Variants in TMEM132D observed in about 807,000 individuals in gnomAD.
TMEM132D encodes the protein transmembrane protein 132D, also known as mature OL transmembrane protein.
A neutral mutation model predicts 62.3 loss-of-function variants in TMEM132D; 21 were observed. The observed-to-expected ratio is 0.34, with a 90% CI of 0.24 to 0.49. The LOEUF is 0.49. Among genes scored for constraint, TMEM132D ranks in the 20% least tolerant of loss-of-function variants. The pLI, the probability that TMEM132D is intolerant of heterozygous loss-of-function variation, is 0.99. For missense variants in TMEM132D, 1,346 were observed against 1,402.8 expected (o/e 0.96, Z 0.65); for synonymous variants, 621 against 575.6 (o/e 1.08, Z -1.13).
At chr12:129,483,297 A>C (rs1171517477) in intron 3 of TMEM132D, among the ~76,000 whole-genome samples, 1 of 152,156 alleles carries the variant, frequency 6.6e-6, no homozygotes, top group African/African-American at 2.4e-5. Context: ...AAGCTTCCAG[A>C]AGGCTTTGAA....
rs541031260 is a variant in TMEM132D at position 129,522,188 on chromosome 12, C to A, written c.1115+8871G>T. Among the ~76,000 whole-genome samples the A allele has an allele frequency of 2.0e-5, 3 of 152,236 alleles. No individual in the cohort carries two copies. The East Asian group carries it at 5.8e-4, about 29-fold the overall frequency. On this transcript the variant is annotated intron_variant, in intron 3 of 8. Transcript: ENST00000422113. ...TTACACTGATTGACACACATCATGG[C>A]AGGTGAAAGCTGTCAGAAGAAAGTT...
At chr12:129,378,323 G>A (rs1870842867) in intron 3 of TMEM132D, among the ~76,000 whole-genome samples, 1 of 152,176 alleles carries the variant, frequency 6.6e-6, no homozygotes, top group African/African-American at 2.4e-5. Flanking sequence ...ATATTCCAAC[G>A]TTGATCAAAG....
intron 4 of TMEM132D, among the ~76,000 whole-genome samples, chr12:129,241,289 T>G (rs543689113): frequency 6.6e-6 from 1 of 151,982 alleles, no homozygotes; most frequent in Non-Finnish European, 1.5e-5. Flanking sequence ...TTACAAAAAT[T>G]TATAAGGAGT....
At position 129,507,069 on chromosome 12, in the gene TMEM132D, A is replaced by C. The variant is rs190846797; in HGVS notation, c.1115+23990T>G. ...AAGGACATGAATAGAAAATTCTCAA[A>C]GGAAGATATATAGATGGCCAACAAA... On this transcript the variant is annotated intron_variant, in intron 3 of 8. Transcript: ENST00000422113. Among the ~76,000 whole-genome samples the C allele has an allele frequency of 1.1e-3, 168 of 152,338 alleles. 1 individual carries two copies. Among genetic ancestry groups the C allele is most frequent in the African/African-American group, 3.9e-3 (164 of 41,580 alleles).
chr12:129,722,262 C>A (rs1868861396), intron 1 of TMEM132D, among the ~76,000 whole-genome samples: 1 of 152,196 alleles, frequency 6.6e-6, no homozygotes, highest in African/African-American at 2.4e-5. Flanking sequence ...GTTGTCAGAA[C>A]CTATCCGGGT....
At chr12:129,077,976 C>G (rs1192623466) in intron 8 of TMEM132D, among the ~76,000 whole-genome samples, 1 of 152,194 alleles carries the variant, frequency 6.6e-6, no homozygotes, top group Admixed American at 6.5e-5. Flanking sequence ...TTAGCTCACA[C>G]TGGTTCCAAA....
intron 4 of TMEM132D, among the ~76,000 whole-genome samples, chr12:129,222,135 A>T (rs902339962): frequency 3.9e-5 from 6 of 152,148 alleles, no homozygotes; most frequent in Non-Finnish European, 8.8e-5. Flanking sequence ...AAAATAAAAT[A>T]ATTCTTCTAC....
chr12:129,435,921 C>T (rs981379679), intron 3 of TMEM132D, among the ~76,000 whole-genome samples: 3 of 152,170 alleles, frequency 2.0e-5, no homozygotes, highest in Non-Finnish European at 1.5e-5. Flanking sequence ...TTTCCAGCGT[C>T]CCTTGTAGCT....
At chr12:129,679,154 GA>G (rs1880717808) in intron 2 of TMEM132D, among the ~76,000 whole-genome samples, 1 of 151,708 alleles carries the variant, frequency 6.6e-6, no homozygotes, top group African/African-American at 2.4e-5. Flanking sequence ...GTTGTTGTTG[GA>G]GTTACATTGG....
intron 4 of TMEM132D, 116 bp from the exon 5 acceptor site, chr12:129,209,779 G>A: frequency 6.9e-7 from 1 of 1,440,052 alleles, no homozygotes; most frequent in South Asian, 1.3e-5. Flanking sequence ...CTCTTCTGCA[G>A]GCTCAGAAAT....
intron 4 of TMEM132D, among the ~76,000 whole-genome samples, chr12:129,256,824 G>A (rs1401128682): frequency 6.6e-6 from 1 of 152,206 alleles, no homozygotes; most frequent in Non-Finnish European, 1.5e-5. Context: ...ACCTCCCAAA[G>A]GGCTGGGATT....
At chr12:129,391,881 C>G (rs1216713505) in intron 3 of TMEM132D, among the ~76,000 whole-genome samples, 1 of 139,498 alleles carries the variant, frequency 7.2e-6, no homozygotes, top group Non-Finnish European at 1.6e-5. Flanking sequence ...CTCAGCCTCC[C>G]GAGTATCTGG....
At chr12:129,739,690 C>G (rs1213333575) in intron 1 of TMEM132D, among the ~76,000 whole-genome samples, 1 of 152,200 alleles carries the variant, frequency 6.6e-6, no homozygotes, top group African/African-American at 2.4e-5. Flanking sequence ...TCCTCAGAGG[C>G]CTGGTCCCCA....
intron 2 of TMEM132D, among the ~76,000 whole-genome samples, chr12:129,678,885 C>T (rs1370992017): frequency 6.6e-6 from 1 of 151,810 alleles, no homozygotes; most frequent in Non-Finnish European, 1.5e-5. Flanking sequence ...TATATTTTTT[C>T]TCACTGATCT....
intron 1 of TMEM132D, among the ~76,000 whole-genome samples, chr12:129,880,573 G>A (rs1874558563): frequency 6.6e-6 from 1 of 152,198 alleles, no homozygotes; most frequent in South Asian, 2.1e-4. Context: ...AATGGCATCA[G>A]TAAAACCAAA....
Position 129,293,081 on chromosome 12 carries a change from T to C in TMEM132D, c.1299+44553A>G, listed in dbSNP as rs542310489. Among the ~76,000 whole-genome samples the C allele has an allele frequency of 3.6e-4, 55 of 152,188 alleles. 1 individual carries two copies. Among genetic ancestry groups the C allele is most frequent in the African/African-American group, 1.3e-3 (55 of 41,508 alleles). On this transcript the variant is annotated intron_variant, in intron 4 of 8. Coordinates refer to ENST00000422113, the MANE Select transcript of TMEM132D (RefSeq NM_133448.3). ...TGTGGAGGGTATCCAGAGAGAGAAA[T>C]TGACAGAGACTTGACTAGCCTGACA... is the stretch of plus-strand genomic sequence containing the variant.
At chr12:129,230,183 T>A (rs1459544289) in intron 4 of TMEM132D, among the ~76,000 whole-genome samples, 1 of 152,120 alleles carries the variant, frequency 6.6e-6, no homozygotes, top group East Asian at 1.9e-4. Context: ...TTCCCTTTCC[T>A]GAGAAAGGAA....
chr12:129,583,981 C>T (rs966596979), intron 2 of TMEM132D, among the ~76,000 whole-genome samples: 1 of 152,108 alleles, frequency 6.6e-6, no homozygotes, highest in African/African-American at 2.4e-5. Flanking sequence ...AACCTGTGAG[C>T]CTTTTGTTCA....
At chr12:129,249,579 A>C (rs1880211867) in intron 4 of TMEM132D, among the ~76,000 whole-genome samples, 1 of 152,214 alleles carries the variant, frequency 6.6e-6, no homozygotes, top group Non-Finnish European at 1.5e-5. Flanking sequence ...GTCATTCGAC[A>C]AATATATATT....
Sources: gnomAD v4.1 joint callset for allele counts (sites outside exome capture counted in the v4.1 genomes callset) on GRCh38, gnomAD v4.1.1 for gene constraint, MANE v1.5 for transcripts, NCBI Gene and HGNC (gene_info 2026-07-23, HGNC 2026-07-21) for gene names.